UNC5D: variants seen among roughly 807,000 people sequenced by gnomAD.
UNC5D encodes unc-5 netrin receptor D.
A neutral mutation model predicts 105.4 loss-of-function variants in UNC5D; 39 were observed. The observed-to-expected ratio is 0.37, with a 90% CI of 0.29 to 0.48. UNC5D has a LOEUF of 0.48. Ranked by LOEUF, UNC5D falls within the 20% of genes least tolerant of loss-of-function variation. UNC5D has a pLI of 0.98. For synonymous variants in UNC5D, 452 were observed against 450.4 expected, an observed-to-expected ratio of 1.00 and a Z score of -0.04; for missense variants, 991 against 1,202.4, an observed-to-expected ratio of 0.82 and a Z score of 2.60.
chr8:35,284,783 C>T (rs1005665007), intron 1 of UNC5D, among the ~76,000 whole-genome samples: 3 of 152,068 alleles, frequency 2.0e-5, no homozygotes, highest in African/African-American at 4.8e-5. Flanking sequence ...AGGATGGTCT[C>T]GATTTCCTGA....
chr8:35,748,375 C>A, intron 11 of UNC5D, 152 bp from the exon 12 acceptor site: 1 of 730,424 alleles, frequency 1.4e-6, no homozygotes, highest in Non-Finnish European at 2.1e-6. Context: ...ATGACAAATG[C>A]TTGTTCTCCA....
intron 4 of UNC5D, among the ~76,000 whole-genome samples, chr8:35,666,396 A>G (rs1824424550): frequency 6.6e-6 from 1 of 152,124 alleles, no homozygotes; most frequent in Admixed American, 6.6e-5. Context: ...CAAAATTTAA[A>G]TAAAAAACGA....
intron 4 of UNC5D, among the ~76,000 whole-genome samples, chr8:35,625,267 T>G (rs1339522794): frequency 6.6e-6 from 1 of 152,238 alleles, no homozygotes; most frequent in Non-Finnish European, 1.5e-5. Context: ...TTATAGGTGC[T>G]CTTTTATCAA....
chr8:35,611,098 C>T (rs1319130789), intron 4 of UNC5D, among the ~76,000 whole-genome samples: 2 of 149,876 alleles, frequency 1.3e-5, no homozygotes, highest in African/African-American at 2.5e-5. Context: ...TTCTGTTCTT[C>T]CTTCTTCCTT....
intron 2 of UNC5D, 65 bp downstream of exon 2, chr8:35,549,575 C>G: frequency 6.9e-7 from 1 of 1,451,398 alleles, no homozygotes; most frequent in Non-Finnish European, 9.4e-7. Flanking sequence ...GGTTATATCT[C>G]TGGGAAAGAC....
intron 6 of UNC5D, 62 bp from the exon 7 acceptor site, chr8:35,686,483 G>A: frequency 1.3e-6 from 2 of 1,482,104 alleles, no homozygotes; most frequent in Admixed American, 2.7e-5. Context: ...CAGTCCTGGG[G>A]TGAGTCTCCT....
chr8:35,347,894 G>A (rs773834393), intron 1 of UNC5D, among the ~76,000 whole-genome samples: 2 of 152,006 alleles, frequency 1.3e-5, no homozygotes, highest in African/African-American at 4.8e-5. Flanking sequence ...TACAAAACAC[G>A]AATGAAGATC....
chr8:35,362,647 CTG>C (rs1284564564), intron 1 of UNC5D, among the ~76,000 whole-genome samples: 1 of 152,200 alleles, frequency 6.6e-6, no homozygotes, highest in African/African-American at 2.4e-5. Flanking sequence ...TCCTGTAAAT[CTG>C]TCTCATTCCC....
chr8:35,611,735 G>C (rs1222130615), intron 4 of UNC5D, among the ~76,000 whole-genome samples: 2 of 152,176 alleles, frequency 1.3e-5, no homozygotes, highest in Non-Finnish European at 2.9e-5. Context: ...ACTAAAGATA[G>C]CAACTTTAAT....
intron 4 of UNC5D, among the ~76,000 whole-genome samples, chr8:35,677,863 G>C (rs1429302110): frequency 2.6e-5 from 4 of 151,468 alleles, no homozygotes; most frequent in Admixed American, 2.6e-4. Flanking sequence ...AGCCATGAGA[G>C]TAGGTTTTTA....
chr8:35,740,000 G>A (rs774881169), intron 11 of UNC5D, among the ~76,000 whole-genome samples: 3 of 152,202 alleles, frequency 2.0e-5, no homozygotes, highest in African/African-American at 4.8e-5. Flanking sequence ...ATGGAGCTTC[G>A]CTCTGCAAAT....
chr8:35,338,010 A>G (rs1811180211), intron 1 of UNC5D, among the ~76,000 whole-genome samples: 1 of 152,250 alleles, frequency 6.6e-6, no homozygotes, highest in African/African-American at 2.4e-5. Flanking sequence ...ATTGTACAGT[A>G]TTCATAATCA....
chr8:35,556,965 T>C (rs957224757), intron 2 of UNC5D, among the ~76,000 whole-genome samples: 1 of 152,204 alleles, frequency 6.6e-6, no homozygotes, highest in Non-Finnish European at 1.5e-5. Flanking sequence ...GTACAATATA[T>C]GTCCTGACCT....
At chr8:35,332,717 A>G (rs1810719435) in intron 1 of UNC5D, among the ~76,000 whole-genome samples, 1 of 152,206 alleles carries the variant, frequency 6.6e-6, no homozygotes, top group Non-Finnish European at 1.5e-5. Flanking sequence ...GAAATTTGGT[A>G]ATTGAGCCAC....
At chr8:35,276,031 A>AT (rs1805753811) in intron 1 of UNC5D, among the ~76,000 whole-genome samples, 1 of 152,182 alleles carries the variant, frequency 6.6e-6, no homozygotes, top group African/African-American at 2.4e-5. Flanking sequence ...TATAGGATCA[A>AT]TTTTTTGTTA....
intron 1 of UNC5D, among the ~76,000 whole-genome samples, chr8:35,461,542 C>A (rs912406575): frequency 6.6e-6 from 1 of 152,138 alleles, no homozygotes; most frequent in African/African-American, 2.4e-5. Context: ...AATAGCAATT[C>A]CATTCCAGCT....
intron 1 of UNC5D, among the ~76,000 whole-genome samples, chr8:35,506,746 G>A (rs1007287220): frequency 1.3e-5 from 2 of 152,126 alleles, no homozygotes; most frequent in Admixed American, 6.5e-5. Context: ...GTAATAAAAG[G>A]AAGGATTCAG....
At chr8:35,243,816 G>C (rs1802935806) in intron 1 of UNC5D, among the ~76,000 whole-genome samples, 1 of 152,028 alleles carries the variant, frequency 6.6e-6, no homozygotes, top group Non-Finnish European at 1.5e-5. Flanking sequence ...TACCTGATAG[G>C]GCTTGTCCCA....
intron 1 of UNC5D, among the ~76,000 whole-genome samples, chr8:35,308,269 A>G (rs1165541928): frequency 6.6e-6 from 1 of 151,956 alleles, no homozygotes; most frequent in Non-Finnish European, 1.5e-5. Flanking sequence ...CCTTACATTG[A>G]GTAGGTGTGA....
Sources: allele counts gnomAD v4.1 joint callset (sites outside exome capture counted in the v4.1 genomes callset), GRCh38; gene constraint gnomAD v4.1.1; transcripts MANE v1.5; gene names NCBI Gene and HGNC (gene_info 2026-07-23, HGNC 2026-07-21).